NLGN1: variants seen among roughly 807,000 people sequenced by gnomAD.
NLGN1 encodes neuroligin-1.
In NLGN1, 12 loss-of-function variants were observed where a neutral mutation model predicts 65.5. The observed-to-expected ratio is 0.18, with a 90% CI of 0.12 to 0.30. NLGN1 has a LOEUF of 0.30. Ranked by LOEUF, NLGN1 falls within the 10% of genes least tolerant of loss-of-function variation. NLGN1 has a pLI of 1.00. For synonymous variants in NLGN1, 350 were observed against 359.5 expected (o/e 0.97, Z 0.30); for missense variants, 750 against 1,007.1 (o/e 0.74, Z 3.46).
intron 3 of NLGN1, among the ~76,000 whole-genome samples, chr3:173,735,246 C>T (rs1022662073): frequency 3.9e-5 from 6 of 152,126 alleles, no homozygotes; most frequent in South Asian, 2.1e-4. Flanking sequence ...ATGCAAAGTT[C>T]TAGCAATATT....
At position 174,017,056 on chromosome 3, in the gene NLGN1, A is replaced by G. The variant is rs189167446; in HGVS notation, c.646+209224A>G. Among the ~76,000 whole-genome samples, 4 of 152,318 alleles carry G rather than the reference A, an allele frequency of 2.6e-5. No individual in the cohort carries two copies. In the East Asian group the frequency reaches 5.8e-4, roughly 22 times the overall value. On this transcript the variant is annotated intron_variant, in intron 4 of 6. Coordinates refer to ENST00000457714, the Ensembl canonical transcript of NLGN1. ...CAGCTCTTGACAGTAGTGTGTGATCATAGTACACAGAGTCTAATCAACAGG... is the reference window on the plus strand; with the variant it reads ...CAGCTCTTGACAGTAGTGTGTGATCGTAGTACACAGAGTCTAATCAACAGG...
intron 2 of NLGN1, among the ~76,000 whole-genome samples, chr3:173,533,702 G>A (rs2149192804): frequency 6.6e-6 from 1 of 152,206 alleles, no homozygotes; most frequent in South Asian, 2.1e-4. Context: ...AAGGTCTTGG[G>A]GCCGGGCTCG....
At position 174,224,517 on chromosome 3, in the gene NLGN1, G is replaced by A. The variant is rs191902973; in HGVS notation, c.647-50798G>A. ...AGTTTAAGACCAGCCTGACCAACAC[G>A]GTGAACCCCCGTCTCTACCAAAAAC... On this transcript the variant is annotated intron_variant, in intron 4 of 6. Coordinates refer to ENST00000457714, the Ensembl canonical transcript of NLGN1. Among the ~76,000 whole-genome samples the A allele has an allele frequency of 2.3e-3, 351 of 152,212 alleles. 1 individual carries two copies. Among genetic ancestry groups the A allele is most frequent in the Non-Finnish European group, 3.9e-3 (266 of 68,008 alleles).
At chr3:174,160,667 TATA>T (rs1395985852) in intron 4 of NLGN1, among the ~76,000 whole-genome samples, 1 of 150,512 alleles carries the variant, frequency 6.6e-6, no homozygotes, top group East Asian at 1.9e-4. Context: ...CTATATAATA[TATA>T]GGAATATATA....
At chr3:173,753,730 C>G (rs2861590) in intron 3 of NLGN1, among the ~76,000 whole-genome samples, 21,014 of 151,764 alleles carry the variant, frequency 0.14, 1,717 homozygotes, top group East Asian at 0.21. Flanking sequence ...GAATAACAGC[C>G]AAAGTCTACA....
intron 2 of NLGN1, among the ~76,000 whole-genome samples, chr3:173,570,077 C>A (rs974366752): frequency 3.3e-5 from 5 of 152,062 alleles, no homozygotes; most frequent in African/African-American, 1.2e-4. Flanking sequence ...AGGCTTAACC[C>A]CAACCTATCT....
intron 2 of NLGN1, among the ~76,000 whole-genome samples, chr3:173,596,493 G>C (rs1749512477): frequency 6.6e-6 from 1 of 152,144 alleles, no homozygotes; most frequent in African/African-American, 2.4e-5. Flanking sequence ...TTGTGTTTCT[G>C]ACTTCAGTTT....
intron 4 of NLGN1, among the ~76,000 whole-genome samples, chr3:174,100,458 T>A (rs1311268299): frequency 2.0e-5 from 3 of 152,144 alleles, no homozygotes; most frequent in Non-Finnish European, 4.4e-5. Context: ...AGTCTTTCAA[T>A]GCCTTTGCTT....
At chr3:173,940,095 T>TTTTTTTTTTTG (rs1745777119) in intron 4 of NLGN1, among the ~76,000 whole-genome samples, 1 of 139,074 alleles carries the variant, frequency 7.2e-6, no homozygotes, top group African/African-American at 2.7e-5. Context: ...TTTTTTTTTT[T>TTTTTTTTTTTG]TTTTTTTTTT....
At chr3:173,831,997 A>G (rs964203552) in intron 4 of NLGN1, among the ~76,000 whole-genome samples, 4 of 149,666 alleles carry the variant, frequency 2.7e-5, no homozygotes, top group African/African-American at 9.9e-5. Context: ...TTACTTTGTT[A>G]CCCAGGCTGC....
chr3:174,139,449 AT>A (rs796733481), intron 4 of NLGN1, among the ~76,000 whole-genome samples: 35 of 147,644 alleles, frequency 2.4e-4, no homozygotes, highest in South Asian at 1.5e-3. Context: ...TTGATAGCTT[AT>A]TTTTTTTTTA....
At chr3:173,838,795 A>G (rs1221610811) in intron 4 of NLGN1, among the ~76,000 whole-genome samples, 1 of 152,200 alleles carries the variant, frequency 6.6e-6, no homozygotes, top group Admixed American at 6.5e-5. Context: ...GAGGCAACGG[A>G]TTCTATACTC....
chr3:174,045,027 G>A (rs565643936), intron 4 of NLGN1, among the ~76,000 whole-genome samples: 5 of 152,076 alleles, frequency 3.3e-5, no homozygotes, highest in Admixed American at 1.3e-4. Context: ...CCCATTCTTG[G>A]GCAGTCCTTT....
intron 3 of NLGN1, among the ~76,000 whole-genome samples, chr3:173,739,840 C>T (rs1446252002): frequency 6.6e-6 from 1 of 152,092 alleles, no homozygotes; most frequent in Non-Finnish European, 1.5e-5. Context: ...TTCTACTTTG[C>T]ATGGCAAGAT....
chr3:173,889,474 A>G (rs1283908669), intron 4 of NLGN1, among the ~76,000 whole-genome samples: 1 of 152,152 alleles, frequency 6.6e-6, no homozygotes, highest in Non-Finnish European at 1.5e-5. Context: ...TTTACTACAT[A>G]GCTCAATGGC....
At chr3:173,413,685 G>T (rs1289450644) in intron 1 of NLGN1, among the ~76,000 whole-genome samples, 3 of 152,112 alleles carry the variant, frequency 2.0e-5, no homozygotes, top group African/African-American at 7.2e-5. Flanking sequence ...CAGCAATTTT[G>T]TTAACTTCCA....
chr3:173,877,715 A>C (rs1208304010), intron 4 of NLGN1, among the ~76,000 whole-genome samples: 1 of 152,238 alleles, frequency 6.6e-6, no homozygotes, highest in Admixed American at 6.5e-5. Flanking sequence ...TTTTTAAAAT[A>C]AAAGCTCTTA....
chr3:173,567,049 T>G (rs1215948291), intron 2 of NLGN1, among the ~76,000 whole-genome samples: 3 of 152,146 alleles, frequency 2.0e-5, no homozygotes, highest in African/African-American at 7.2e-5. Context: ...TTTTCCTCTT[T>G]AGCCTTAGTT....
chr3:174,222,110 C>T (rs1356163612), intron 4 of NLGN1, among the ~76,000 whole-genome samples: 1 of 152,056 alleles, frequency 6.6e-6, no homozygotes, highest in African/African-American at 2.4e-5. Context: ...AGCCCTGTAT[C>T]TTTGAGTATT....
Sources: gnomAD v4.1 joint callset for allele counts (sites outside exome capture counted in the v4.1 genomes callset) on GRCh38, gnomAD v4.1.1 for gene constraint, MANE v1.5 for transcripts, NCBI Gene and HGNC (gene_info 2026-07-23, HGNC 2026-07-21) for gene names.